The following MAP3K5 variants were observed in gnomAD, a reference collection of about 807,000 sequenced individuals.
The protein encoded by MAP3K5 is mitogen-activated protein kinase kinase kinase 5.
MAP3K5 carries 56 observed loss-of-function variants against 158.7 expected under a neutral mutation model. The ratio of observed to expected loss-of-function variants is 0.35; its 90% CI spans 0.28 to 0.44. MAP3K5 has a LOEUF of 0.44. Ranked by LOEUF, MAP3K5 falls within the 20% of genes least tolerant of loss-of-function variation. The probability of loss-of-function intolerance (pLI) is 1.00; values close to 1 mark genes in which losing one functional copy is unlikely to be tolerated. For missense variants in MAP3K5, 1,294 were observed against 1,674.8 expected, an observed-to-expected ratio of 0.77 and a Z score of 3.97; for synonymous variants, 579 against 601.7, an observed-to-expected ratio of 0.96 and a Z score of 0.55.
At chr6:136,758,015 T>C (rs1428324024) in intron 1 of MAP3K5, among the ~76,000 whole-genome samples, 3 of 152,228 alleles carry the variant, frequency 2.0e-5, no homozygotes, top group Non-Finnish European at 2.9e-5. Flanking sequence ...TAGAACTAAA[T>C]AGCCTTTCTG....
rs1172018975 is a variant in MAP3K5, at chr6:136,740,870, A to G, written c.449-20281T>C. Among the ~76,000 whole-genome samples the G allele has an allele frequency of 2.0e-5, 3 of 152,334 alleles. No individual in the cohort carries two copies. The East Asian group carries it at 5.8e-4, about 29-fold the overall frequency. The stretch of plus-strand genomic sequence containing the variant: ...AATTACAAAGGGGCAATTTTCTACC[A>G]TTTAATTGGATCCTACTGCTCTGTA... On this transcript the variant is annotated intron_variant, in intron 1 of 29. Coordinates refer to ENST00000359015, the MANE Select transcript of MAP3K5 (RefSeq NM_005923.4).
At chr6:136,735,707 G>A (rs1446708270) in intron 1 of MAP3K5, among the ~76,000 whole-genome samples, 1 of 152,090 alleles carries the variant, frequency 6.6e-6, no homozygotes, top group Non-Finnish European at 1.5e-5. Context: ...GTGCGTGCCT[G>A]CAGTCCCAGC....
chr6:136,583,901 G>C (rs138680027), intron 23 of MAP3K5, among the ~76,000 whole-genome samples, 161 bp from the exon 24 acceptor site: 1 of 151,836 alleles, frequency 6.6e-6, no homozygotes, highest in Non-Finnish European at 1.5e-5. Context: ...GGGCTCAAGC[G>C]AGCCTCCCAT....
chr6:136,588,785 C>T (rs1775251151), intron 23 of MAP3K5, among the ~76,000 whole-genome samples: 1 of 152,096 alleles, frequency 6.6e-6, no homozygotes, highest in Non-Finnish European at 1.5e-5. Context: ...GCTGATGGCT[C>T]GAGACCACTC....
In MAP3K5 at chr6:136,683,419, C is replaced by T. The variant is rs555169732; in HGVS notation, c.1253+10721G>A. Among the ~76,000 whole-genome samples, 13 of 152,282 alleles carry T rather than the reference C, an allele frequency of 8.5e-5. 1 individual carries two copies. The South Asian group carries it at 2.5e-3, about 29-fold the overall frequency. The stretch of plus-strand genomic sequence containing the variant: ...AATGGCCATAGCCATCTTGCAATCC[C>T]GAGTAGGGGCAGCCCAAGGTCAAAG... On this transcript the variant is annotated intron_variant, in intron 7 of 29. Transcript: ENST00000359015.
chr6:136,752,137 T>A lies in MAP3K5; in HGVS notation c.449-31548A>T, dbSNP rs58985302. 7.3e-3 allele frequency among the ~76,000 whole-genome samples: 1,111 copies of A among 152,288 alleles called. 7 individuals are homozygous for A. Among genetic ancestry groups the A allele is most frequent in the African/African-American group, 0.025 (1,050 of 41,544 alleles). On this transcript the variant is annotated intron_variant, in intron 1 of 29. Coordinates refer to ENST00000359015, the MANE Select transcript of MAP3K5 (RefSeq NM_005923.4). Reference sequence around the variant, plus strand: ...CTCTCTCCCTCATTCATTCATGCACTCCACAATGAGTTAGCATCTACCCTG... The same window carrying A: ...CTCTCTCCCTCATTCATTCATGCACACCACAATGAGTTAGCATCTACCCTG...
rs982374273 is a variant in MAP3K5, at chr6:136,770,511, G to A, written c.448+21199C>T. ...AATCATAGTACATTTCAATACAGAC[G>A]TATTACTTTTCCTATATCATACAAC... is the stretch of plus-strand genomic sequence containing the variant. On this transcript the variant is annotated intron_variant, in intron 1 of 29. Coordinates refer to ENST00000359015, the MANE Select transcript of MAP3K5 (RefSeq NM_005923.4). 7.9e-5 allele frequency among the ~76,000 whole-genome samples: 12 copies of A among 152,196 alleles called. No homozygotes were observed. The East Asian group carries it at 2.1e-3, about 27-fold the overall frequency.
intron 7 of MAP3K5, among the ~76,000 whole-genome samples, chr6:136,681,688 G>T (rs113871989): frequency 0.011 from 1,627 of 152,168 alleles, 39 homozygotes; most frequent in African/African-American, 0.036. Context: ...AGGCCAAGGT[G>T]GGCAGATCAC....
chr6:136,694,381 C>A (rs984608681), intron 6 of MAP3K5, 71 bp from the exon 7 acceptor site: 10 of 1,247,252 alleles, frequency 8.0e-6, no homozygotes, highest in Non-Finnish European at 1.1e-5. Flanking sequence ...TTTTAAAAAC[C>A]CTATTTAACA....
At chr6:136,617,071 CA>C (rs1160308017) in intron 15 of MAP3K5, among the ~76,000 whole-genome samples, 26 of 152,108 alleles carry the variant, frequency 1.7e-4, no homozygotes, top group Admixed American at 1.5e-3. Flanking sequence ...TACTGAAAAT[CA>C]AAACATCAAT....
intron 18 of MAP3K5, among the ~76,000 whole-genome samples, chr6:136,606,445 G>C (rs1776104871): frequency 6.6e-6 from 1 of 152,162 alleles, no homozygotes; most frequent in South Asian, 2.1e-4. Context: ...ATAATAGAAA[G>C]AATTAAGTGG....
intron 3 of MAP3K5, among the ~76,000 whole-genome samples, chr6:136,700,574 G>A (rs939551246): frequency 7.9e-5 from 12 of 152,208 alleles, no homozygotes; most frequent in Non-Finnish European, 1.8e-4. Context: ...CTGAATTCTA[G>A]TTAAAATATG....
intron 7 of MAP3K5, among the ~76,000 whole-genome samples, chr6:136,675,523 C>G (rs1299467670): frequency 6.6e-6 from 1 of 151,734 alleles, no homozygotes; most frequent in African/African-American, 2.4e-5. Flanking sequence ...AGTTCATAAC[C>G]CAAAGGTCAA....
chr6:136,682,688 A>G (rs958294904), intron 7 of MAP3K5, among the ~76,000 whole-genome samples: 1 of 152,232 alleles, frequency 6.6e-6, no homozygotes, highest in Non-Finnish European at 1.5e-5. Flanking sequence ...CAAGAAAGAC[A>G]TGATTATGCT....
Position 136,605,375 on chromosome 6 carries a change from A to G in MAP3K5, c.2522-9T>C. ...CATATACTGGAGGGTACCTGGAAAC[A>G]ATTCAAACACATTTCCATTTTAAAA... On this transcript the variant is annotated splice_polypyrimidine_tract_variant and intron_variant, in intron 18 of 29. Transcript: ENST00000359015. 1 of 1,599,278 alleles carries G rather than the reference A, an allele frequency of 6.3e-7. No individual in the cohort carries two copies. The highest frequency in any genetic ancestry group is 8.5e-7 in the Non-Finnish European group (1 of 1,174,562).
At chr6:136,738,018 A>T (rs1782547792) in intron 1 of MAP3K5, among the ~76,000 whole-genome samples, 1 of 152,136 alleles carries the variant, frequency 6.6e-6, no homozygotes, top group Admixed American at 6.5e-5. Flanking sequence ...ACCAGAAAAA[A>T]TTGCTCCACT....
intron 1 of MAP3K5, among the ~76,000 whole-genome samples, chr6:136,781,616 T>G (rs74371313): frequency 0.01 from 1,578 of 152,306 alleles, 28 homozygotes; most frequent in African/African-American, 0.036. Context: ...AACTATAAGA[T>G]ATAGTTAATT....
At chr6:136,649,098 T>A (rs1287076649) in intron 11 of MAP3K5, among the ~76,000 whole-genome samples, 2 of 152,130 alleles carry the variant, frequency 1.3e-5, no homozygotes, top group Non-Finnish European at 2.9e-5. Context: ...GCCTCCTGAG[T>A]AGTGGGGATT....
intron 1 of MAP3K5, among the ~76,000 whole-genome samples, chr6:136,735,885 T>C (rs1216965783): frequency 6.6e-6 from 1 of 152,098 alleles, no homozygotes; most frequent in Non-Finnish European, 1.5e-5. Context: ...AAATAAAGAA[T>C]GCTAATGTCT....
Sources: allele counts gnomAD v4.1 joint callset (sites outside exome capture counted in the v4.1 genomes callset), GRCh38; gene constraint gnomAD v4.1.1; transcripts MANE v1.5; gene names NCBI Gene and HGNC (gene_info 2026-07-23, HGNC 2026-07-21).